The following HIC2 variants were observed in gnomAD, a reference collection of about 807,000 sequenced individuals.
The protein encoded by HIC2 is HIC ZBTB transcriptional repressor 2, also known as hypermethylated in cancer 2 protein.
Under a neutral mutation model 39.5 loss-of-function variants are expected in HIC2, and 2 were observed. The observed-to-expected ratio is 0.05, with a 90% CI of 0.02 to 0.16. The LOEUF (loss-of-function observed/expected upper bound fraction) is 0.16, where lower values mean the gene tolerates loss of function less well. Ranked by LOEUF, HIC2 falls within the 10% of genes least tolerant of loss-of-function variation. The pLI is 1.00. For synonymous variants in HIC2, 399 were observed against 368.8 expected, an observed-to-expected ratio of 1.08 and a Z score of -0.94; for missense variants, 713 against 863.5, an observed-to-expected ratio of 0.83 and a Z score of 2.18.
chr22:21,446,169 A>G lies in HIC2; in HGVS notation c.1274A>G (p.Tyr425Cys), dbSNP rs767000566. 6.2e-7 allele frequency: 1 copy of G among 1,610,284 alleles called. No individual in the cohort carries two copies. Among genetic ancestry groups the G allele is most frequent in the Non-Finnish European group, 8.5e-7 (1 of 1,179,972 alleles). ...GGCAGCGGCCATGCCAGCGCCCACT[A>G]CATGTACCGGCAGGAGGGCTACGAG... is the stretch of plus-strand genomic sequence containing the variant. ...EGGSGHASAHYMYRQEGYETV... is the reference protein window; with the variant it reads ...EGGSGHASAHCMYRQEGYETV... Residue 425 changes from tyrosine to cysteine, a missense_variant, in exon 3 of 3, where the codon TAC becomes TGC. Around this residue, in one of 5 missense-constraint regions of HIC2, gnomAD observed 457 missense variants for 420.2 expected, o/e 1.09. Coordinates refer to ENST00000407464, the MANE Select transcript of HIC2 (RefSeq NM_015094.3).
At chr22:21,421,652 T>C (rs1411173969) in intron 1 of HIC2, among the ~76,000 whole-genome samples, 1 of 97,796 alleles carries the variant, frequency 1.0e-5, no homozygotes, top group African/African-American at 2.8e-5. Flanking sequence ...ATGGGTCAGC[T>C]AGGTGCCTCT....
chr22:21,445,691 A>C lies in HIC2; in HGVS notation c.796A>C (p.Thr266Pro), dbSNP rs1405788451. The part of the protein sequence containing the change: ...LPPATPGPHL[T>P]PDDAAQLSDS... ...CCCTGCCACCCCAGGTCCCCACCTC[A>C]CTCCCGATGACGCAGCCCAGCTGAG... is the stretch of plus-strand genomic sequence containing the variant. Residue 266 changes from threonine (T) to proline (P), a missense_variant, in exon 3 of 3, where the codon ACT becomes CCT. Physicochemically the swap from Thr to Pro is conservative, Grantham distance 38. Transcript: ENST00000407464. 2.5e-6 allele frequency: 4 copies of C among 1,610,854 alleles called. No individual in the cohort carries two copies.
rs747669846 is a variant in HIC2 at position 21,449,425 on chromosome 22, GAAAA to G, written c.*2688_*2691del. ...AAAGAGAGGATAAACAAAGAAAAAAGAAAAAAAAATAAGCTCATACCCAAATTCA... is the reference window on the plus strand; with the variant it reads ...AAAGAGAGGATAAACAAAGAAAAAAGAAAAATAAGCTCATACCCAAATTCA... On this transcript the variant is annotated 3_prime_UTR_variant, in exon 3 of 3. Coordinates refer to ENST00000407464, the MANE Select transcript of HIC2 (RefSeq NM_015094.3). 3.3e-5 allele frequency: 5 copies of G among 150,566 alleles called. No individual in the cohort carries two copies. Among genetic ancestry groups the G allele is most frequent in the African/African-American group, 9.8e-5 (4 of 40,922 alleles). The allele number at this position is 150,566 out of a possible 1,614,324, so 9.3% of individuals were successfully genotyped here. A position where few individuals can be genotyped will look rare whatever the true frequency, so the allele number is the denominator to read the frequency against.
chr22:21,443,980 G>C (rs930092657), intron 2 of HIC2, among the ~76,000 whole-genome samples: 2 of 152,238 alleles, frequency 1.3e-5, no homozygotes, highest in Non-Finnish European at 1.5e-5. Context: ...CCCACTGTGG[G>C]GTGCCTGGTC....
In HIC2 at chr22:21,446,437, C is replaced by T. The variant is rs762237607; in HGVS notation, c.1542C>T (p.Tyr514=). 1.9e-6 allele frequency: 3 copies of T among 1,612,180 alleles called. No individual in the cohort carries two copies. The highest frequency in any genetic ancestry group is 2.5e-6 in the Non-Finnish European group (3 of 1,180,026). Residue 514 remains tyrosine, a synonymous_variant, in exon 3 of 3, where the codon TAC becomes TAT. Coordinates refer to ENST00000407464, the MANE Select transcript of HIC2 (RefSeq NM_015094.3). Reference sequence around the variant, plus strand: ...AGTGTTCGGTCTGCGAGAAGACCTACAAGGACCCAGCCACGCTGCGGCAGC... The same window carrying T: ...AGTGTTCGGTCTGCGAGAAGACCTATAAGGACCCAGCCACGCTGCGGCAGC... ...PFKCSVCEKT[Y]KDPATLRQHE...
rs1233729335 is a variant in HIC2 at position 21,446,006 on chromosome 22, G to A, written c.1111G>A (p.Asp371Asn). ...CPGEEGEGVG[D>N]RVPNGILASG... ...GGGAGAGGAGGGTGAGGGGGTCGGG[G>A]ACAGGGTTCCCAATGGCATCCTGGC... Residue 371 changes from aspartate (D) to asparagine (N), a missense_variant, in exon 3 of 3, where the codon GAC becomes AAC. Transcript: ENST00000407464. The A allele has an allele frequency of 1.9e-6, 3 of 1,575,272 alleles. No individual in the cohort carries two copies. In the South Asian group the frequency reaches 3.5e-5, roughly 18 times the overall value.
chr22:21,445,828 C>A lies in HIC2; in HGVS notation c.933C>A (p.Ala311=). ...ATGAGCCCATGGATCTGGAGGGGGC[C>A]GAGGACAACCACCTGAGCCTGCTGG... ...TPDEPMDLEG[A]EDNHLSLLEA... Residue 311 remains alanine, a synonymous_variant, in exon 3 of 3, where the codon GCC becomes GCA. Transcript: ENST00000407464. 1 of 1,587,762 alleles carries A rather than the reference C, an allele frequency of 6.3e-7. No homozygotes were observed. Among genetic ancestry groups the A allele is most frequent in the African/African-American group, 1.4e-5 (1 of 74,050 alleles).
rs773712376 is a variant in HIC2, at chr22:21,444,919, C to T, written c.27-3C>T. 3.7e-6 allele frequency: 6 copies of T among 1,607,846 alleles called. No homozygotes were observed. In the South Asian group the frequency reaches 6.6e-5, roughly 18 times the overall value. ...ACGCATGCGTGCCTGTTCTTGCCCA[C>T]AGGTGGTGCGCGTGGGCAGGGCGCG... On this transcript the variant is annotated splice_polypyrimidine_tract_variant and splice_region_variant and intron_variant, in intron 2 of 2. Coordinates refer to ENST00000407464, the MANE Select transcript of HIC2 (RefSeq NM_015094.3).
At position 21,446,906 on chromosome 22, in the gene HIC2, C is replaced by CG. The variant is rs1923876331; in HGVS notation, c.*163_*164insG. ...CACACCCAGAGCTTTAATGGACAGTCCGTACCAAGCAGAGCCGAGAGGAGG... is the reference window on the plus strand; with the variant it reads ...CACACCCAGAGCTTTAATGGACAGTCGCGTACCAAGCAGAGCCGAGAGGAGG... On this transcript the variant is annotated 3_prime_UTR_variant, in exon 3 of 3. Coordinates refer to ENST00000407464, the MANE Select transcript of HIC2 (RefSeq NM_015094.3). The CG allele has an allele frequency of 3.1e-6, 3 of 983,330 alleles. No individual in the cohort carries two copies. Among genetic ancestry groups the CG allele is most frequent in the Non-Finnish European group, 4.4e-6 (3 of 689,384 alleles). 60.9% of individuals were successfully genotyped at this position (983,330 alleles called of 1,614,324 possible).
rs145951187 is a variant in HIC2 at position 21,446,178 on chromosome 22, G to A, written c.1283G>A (p.Arg428Gln). ...SGHASAHYMY[R>Q]QEGYETVSYG... ...CATGCCAGCGCCCACTACATGTACCGGCAGGAGGGCTACGAGACGGTGTCC... is the reference window on the plus strand; with the variant it reads ...CATGCCAGCGCCCACTACATGTACCAGCAGGAGGGCTACGAGACGGTGTCC... Residue 428 changes from arginine to glutamine, a missense_variant, in exon 3 of 3, where the codon CGG (arginine) becomes CAG (glutamine). By Grantham distance (43) the Arg-to-Gln change is conservative (BLOSUM62 1). Coordinates refer to ENST00000407464, the MANE Select transcript of HIC2 (RefSeq NM_015094.3). 1.2e-5 allele frequency: 19 copies of A among 1,610,310 alleles called. No individual in the cohort carries two copies. Among genetic ancestry groups the A allele is most frequent in the African/African-American group, 9.3e-5 (7 of 74,936 alleles).
chr22:21,417,869 G>A (rs1922940254), intron 1 of HIC2, among the ~76,000 whole-genome samples: 1 of 147,304 alleles, frequency 6.8e-6, no homozygotes, highest in African/African-American at 2.5e-5. Flanking sequence ...CGGCGGGCGA[G>A]CGGGCGCCGG....
chr22:21,443,360 C>T (rs1923624070), intron 2 of HIC2, among the ~76,000 whole-genome samples: 1 of 152,132 alleles, frequency 6.6e-6, no homozygotes, highest in Non-Finnish European at 1.5e-5. Context: ...CCTTCAGGGG[C>T]CTGTGAATGT....
At position 21,446,717 on chromosome 22, in the gene HIC2, C is replaced by T. The variant is rs761846106; in HGVS notation, c.1822C>T (p.Leu608=). The T allele has an allele frequency of 1.2e-6, 2 of 1,609,100 alleles. No individual in the cohort carries two copies. Among genetic ancestry groups the T allele is most frequent in the South Asian group, 1.1e-5 (1 of 90,768 alleles). Residue 608 remains leucine (L), a synonymous_variant, in exon 3 of 3, where the codon CTG becomes TTG. Coordinates refer to ENST00000407464, the MANE Select transcript of HIC2 (RefSeq NM_015094.3). ...CCAGCAGCGCAACCTCATCAGCCAC[C>T]TGCGCATGCACACCTCCCCCTCCTA... ...FTQQRNLISH[L]RMHTSPS
chr22:21,417,958 C>T (rs1179410085), intron 1 of HIC2, among the ~76,000 whole-genome samples: 1 of 147,878 alleles, frequency 6.8e-6, no homozygotes, highest in Non-Finnish European at 1.5e-5. Flanking sequence ...GGAGGGCTCC[C>T]ATTATGCAAA....
chr22:21,444,768 G>C (rs1923706086), intron 2 of HIC2, among the ~76,000 whole-genome samples, 154 bp from the exon 3 acceptor site: 2 of 152,216 alleles, frequency 1.3e-5, no homozygotes, highest in African/African-American at 4.8e-5. Flanking sequence ...GGTGGGCATT[G>C]TGGGCTTATG....
intron 2 of HIC2, among the ~76,000 whole-genome samples, chr22:21,444,098 A>T (rs949638846): frequency 1.6e-4 from 24 of 152,374 alleles, no homozygotes; most frequent in African/African-American, 5.8e-4. Flanking sequence ...GGGCCGTCAG[A>T]GTTCCTGCAG....
At chr22:21,443,826 G>C (rs572624802) in intron 2 of HIC2, among the ~76,000 whole-genome samples, 45 of 152,292 alleles carry the variant, frequency 3.0e-4, no homozygotes, top group African/African-American at 1.1e-3. Flanking sequence ...GCTGAGGATG[G>C]CTTTGAGTCA....
Position 21,445,714 on chromosome 22 carries a change from G to A in HIC2, c.819G>A (p.Leu273=). 6.2e-7 allele frequency: 1 copy of A among 1,612,254 alleles called. No homozygotes were observed. Among genetic ancestry groups the A allele is most frequent in the Non-Finnish European group, 8.5e-7 (1 of 1,179,766 alleles). ...PHLTPDDAAQ[L]SDSQHGSPPA... is the part of the protein sequence containing the mutation. ...TCACTCCCGATGACGCAGCCCAGCT[G>A]AGCGACAGCCAACATGGCTCGCCCC... Residue 273 remains leucine, a synonymous_variant, in exon 3 of 3, where the codon CTG becomes CTA. Coordinates refer to ENST00000407464, the MANE Select transcript of HIC2 (RefSeq NM_015094.3).
At chr22:21,443,803 A>T (rs1303072393) in intron 2 of HIC2, among the ~76,000 whole-genome samples, 1 of 151,954 alleles carries the variant, frequency 6.6e-6, no homozygotes, top group Non-Finnish European at 1.5e-5. Context: ...TGTACTGGGG[A>T]GTTGGGCTTA....
Sources: allele counts gnomAD v4.1 joint callset (sites outside exome capture counted in the v4.1 genomes callset), GRCh38; gene constraint gnomAD v4.1.1; regional missense constraint gnomAD v4.1.1; transcripts MANE v1.5; gene names NCBI Gene and HGNC (gene_info 2026-07-23, HGNC 2026-07-21).